Variants in FBXO34 observed in about 807,000 individuals in gnomAD.
FBXO34 encodes the protein F-box only protein 34.
In FBXO34, 12 loss-of-function variants were observed where a neutral mutation model predicts 24.5. The observed-to-expected ratio is 0.49, with a 90% CI of 0.31 to 0.79. The LOEUF (loss-of-function observed/expected upper bound fraction) is 0.79. FBXO34 is among the 30% of genes least tolerant of loss of function. The pLI is 0.04. For synonymous variants in FBXO34, 320 were observed against 311.9 expected (o/e 1.03, Z -0.27); for missense variants, 823 against 857.7 (o/e 0.96, Z 0.51).
At chr14:55,439,691 G>A in the FBXO34 span, among the ~76,000 whole-genome samples, 2 of 147,542 alleles carry the variant, frequency 1.4e-5, no homozygotes, top group Non-Finnish European at 3.0e-5. Flanking sequence ...AGCACTTTGG[G>A]AGGCCAAGGC....
chr14:55,317,120 G>C (rs1882958424), intron 1 of FBXO34, among the ~76,000 whole-genome samples: 1 of 152,068 alleles, frequency 6.6e-6, no homozygotes, highest in Non-Finnish European at 1.5e-5. Context: ...CCCCTCCCTG[G>C]AAGTCAAGGC....
downstream of FBXO34, among the ~76,000 whole-genome samples, chr14:55,363,023 C>CTCTG (rs58355682): frequency 7.6e-6 from 1 of 132,352 alleles, no homozygotes. Context: ...TTCTCTCTCT[C>CTCTG]TTTTTTTTTT....
In FBXO34 at chr14:55,352,671, A is replaced by C; in HGVS notation, c.*145A>C. 1.4e-6 allele frequency: 1 copy of C among 692,762 alleles called. No homozygotes were observed. The highest frequency in any genetic ancestry group is 2.3e-6 in the Non-Finnish European group (1 of 443,270). 42.9% of individuals were successfully genotyped at this position (692,762 alleles called of 1,614,324 possible). A position where few individuals can be genotyped will look rare whatever the true frequency, so the allele number is the denominator to read the frequency against. The stretch of plus-strand genomic sequence containing the variant: ...ACTGCATTGCTCAGGCATTTTCTAA[A>C]CTCTAAATTTACGAGCTGTACAAAA... On this transcript the variant is annotated 3_prime_UTR_variant, in exon 2 of 2. Coordinates refer to ENST00000313833, the MANE Select transcript of FBXO34 (RefSeq NM_017943.4).
chr14:55,272,985 TTG>T (rs1881208305), intron 1 of FBXO34, among the ~76,000 whole-genome samples: 1 of 152,230 alleles, frequency 6.6e-6, no homozygotes, highest in Admixed American at 6.5e-5. Flanking sequence ...GCTAGTCACT[TTG>T]TCATAGTGAC....
At position 55,271,547 on chromosome 14, in the gene FBXO34, G is replaced by C. The variant is rs541013045; in HGVS notation, c.-11+10G>C. 1 of 149,914 alleles carries C rather than the reference G, an allele frequency of 6.7e-6. No homozygotes were observed. Among genetic ancestry groups the C allele is most frequent in the South Asian group, 2.1e-4 (1 of 4,818 alleles). The allele number at this position is 149,914 out of a possible 1,614,324, so 9.3% of individuals were successfully genotyped here. ...CGGGGCAGGAGCGCAGGTGGGTCCG[G>C]GCCGAGGTGGGGCGTGGCGCGAGGG... is the stretch of plus-strand genomic sequence containing the variant. On this transcript the variant is annotated intron_variant, in intron 1 of 1. Coordinates refer to ENST00000313833, the MANE Select transcript of FBXO34 (RefSeq NM_017943.4).
At chr14:55,305,716 G>A (rs558280142) in intron 1 of FBXO34, among the ~76,000 whole-genome samples, 37 of 151,878 alleles carry the variant, frequency 2.4e-4, no homozygotes, top group African/African-American at 7.5e-4. Context: ...TCGTACAGGT[G>A]AGGGGGAAAG....
At chr14:55,380,879 T>A in the FBXO34 span, among the ~76,000 whole-genome samples, 39 of 93,652 alleles carry the variant, frequency 4.2e-4, no homozygotes, top group African/African-American at 6.3e-4. Context: ...ATATATATTT[T>A]TTTTTTTTTT....
chr14:55,317,905 A>G (rs1006793461), intron 1 of FBXO34, among the ~76,000 whole-genome samples: 2 of 152,162 alleles, frequency 1.3e-5, no homozygotes, highest in African/African-American at 4.8e-5. Context: ...GTGCAAGGGT[A>G]GGTATTTGCC....
intron 1 of FBXO34, chr14:55,298,980 A>G (rs1035803415): frequency 8.7e-6 from 14 of 1,603,486 alleles, no homozygotes; most frequent in Admixed American, 5.0e-5. Context: ...CAACATGGAC[A>G]TCGATAAAGT....
At position 55,303,095 on chromosome 14, in the gene FBXO34, C is replaced by T. The variant is rs549170761; in HGVS notation, c.-11+31558C>T. Among the ~76,000 whole-genome samples, 12 of 150,582 alleles carry T rather than the reference C, an allele frequency of 8.0e-5. No homozygotes were observed. In the East Asian group the frequency reaches 1.7e-3, roughly 22 times the overall value. ...AATAAATTCTGAAAACAGAATAGTG[C>T]GTTTTAATGTGCATTAATTTCTCTT... On this transcript the variant is annotated intron_variant, in intron 1 of 1. Transcript: ENST00000313833.
At chr14:55,411,081 G>A in the FBXO34 span, among the ~76,000 whole-genome samples, 2 of 152,156 alleles carry the variant, frequency 1.3e-5, no homozygotes, top group Admixed American at 1.3e-4. Flanking sequence ...GGAAAGGGGC[G>A]TTAACAGCAA....
At chr14:55,366,860 A>G (rs1884690785), downstream of FBXO34, 1 of 152,658 alleles carries the variant, frequency 6.6e-6, no homozygotes, top group Non-Finnish European at 1.5e-5. Context: ...GATTTTAATG[A>G]GCAGCAAAAA....
At chr14:55,277,830 C>T (rs145784191) in intron 1 of FBXO34, among the ~76,000 whole-genome samples, 1 of 152,110 alleles carries the variant, frequency 6.6e-6, no homozygotes, top group Non-Finnish European at 1.5e-5. Context: ...GAAGATGCTT[C>T]TTTTGTATAT....
chr14:55,349,491 T>A (rs1884266662), intron 1 of FBXO34, among the ~76,000 whole-genome samples: 2 of 152,096 alleles, frequency 1.3e-5, no homozygotes, highest in African/African-American at 4.8e-5. Context: ...ACATAGATTA[T>A]TTAGAAAATC....
downstream of FBXO34, among the ~76,000 whole-genome samples, chr14:55,356,280 G>C (rs1021936718): frequency 1.3e-5 from 2 of 152,208 alleles, no homozygotes; most frequent in African/African-American, 4.8e-5. Context: ...TCTACAGCCT[G>C]ATACAAAAAC....
rs772136224 is a variant in FBXO34 at position 55,295,709 on chromosome 14, T to G, written c.-11+24172T>G. 2.9e-4 allele frequency among the ~76,000 whole-genome samples: 44 copies of G among 152,204 alleles called. 1 individual carries two copies. Among genetic ancestry groups the G allele is most frequent in the Non-Finnish European group, 5.1e-4 (35 of 68,042 alleles). On this transcript the variant is annotated intron_variant, in intron 1 of 1. Transcript: ENST00000313833. ...CTGCGCCCAGCTGAGGTAAATATTC[T>G]TCGCCATTTTTTCTTGCAGAAAATT...
At chr14:55,331,695 A>ATATATATGTGTATATATATATG in intron 1 of FBXO34, among the ~76,000 whole-genome samples, 1 of 66,804 alleles carries the variant, frequency 1.5e-5, no homozygotes, top group East Asian at 3.8e-4. Context: ...GTGTATATAT[A>ATATATATGTGTATATATATATG]TATATATATG....
intron 1 of FBXO34, among the ~76,000 whole-genome samples, chr14:55,330,653 T>G (rs113956054): frequency 6.6e-6 from 1 of 150,710 alleles, no homozygotes; most frequent in African/African-American, 2.4e-5. Context: ...TAGCTGGGAG[T>G]GGTGGTATAT....
At chr14:55,299,541 C>T (rs1008029774) in intron 1 of FBXO34, among the ~76,000 whole-genome samples, 1 of 152,088 alleles carries the variant, frequency 6.6e-6, no homozygotes, top group African/African-American at 2.4e-5. Context: ...CTAATTACAT[C>T]GGTATGTGTC....
Sources: gnomAD v4.1 joint callset for allele counts (sites outside exome capture counted in the v4.1 genomes callset) on GRCh38, gnomAD v4.1.1 for gene constraint, MANE v1.5 for transcripts, NCBI Gene and HGNC (gene_info 2026-07-23, HGNC 2026-07-21) for gene names.